Variants in BAALC observed in about 807,000 individuals in gnomAD.
BAALC encodes brain and acute leukemia cytoplasmic protein.
BAALC carries 9 observed loss-of-function variants against 15.5 expected under a neutral mutation model. The observed-to-expected ratio is 0.58, with a 90% CI of 0.35 to 1.02. The LOEUF is 1.02. Ranked by LOEUF, BAALC falls within the 50% of genes least tolerant of loss-of-function variation. The probability of loss-of-function intolerance (pLI) is 0.02; values close to 1 mark genes in which losing one functional copy is unlikely to be tolerated. For synonymous variants in BAALC, 80 were observed against 74.6 expected (o/e 1.07, Z -0.37); for missense variants, 201 against 192.4 (o/e 1.04, Z -0.27).
intron 1 of BAALC, among the ~76,000 whole-genome samples, chr8:103,206,518 G>A (rs1812335846): frequency 6.6e-6 from 1 of 152,102 alleles, no homozygotes; most frequent in Non-Finnish European, 1.5e-5. Context: ...CCCCTCTAAA[G>A]CTAATTCCTC....
chr8:103,163,920 G>C (rs989380350), intron 1 of BAALC, among the ~76,000 whole-genome samples: 3 of 152,202 alleles, frequency 2.0e-5, no homozygotes, highest in African/African-American at 4.8e-5. Context: ...GGCTGGAGCA[G>C]TGGACAAGAC....
chr8:103,181,673 G>A (rs952395414), intron 1 of BAALC, among the ~76,000 whole-genome samples: 1 of 152,128 alleles, frequency 6.6e-6, no homozygotes, highest in Admixed American at 6.6e-5. Flanking sequence ...GGGACCTAGG[G>A]CCACAGCTAC....
chr8:103,204,302 G>A (rs1186145124), intron 1 of BAALC, among the ~76,000 whole-genome samples: 3 of 152,146 alleles, frequency 2.0e-5, no homozygotes, highest in African/African-American at 7.2e-5. Context: ...AGTTGTAGGA[G>A]TTCTTTGAAA....
chr8:103,140,746 G>A lies in BAALC; in HGVS notation c.-152G>A. 1 of 548,964 alleles carries A rather than the reference G, an allele frequency of 1.8e-6. No homozygotes were observed. The highest frequency in any genetic ancestry group is 2.5e-6 in the Non-Finnish European group (1 of 398,124). 34.0% of individuals were successfully genotyped at this position (548,964 alleles called of 1,614,324 possible). A position where few individuals can be genotyped will look rare whatever the true frequency, so the allele number is the denominator to read the frequency against. On this transcript the variant is annotated 5_prime_UTR_variant, in exon 1 of 3. Coordinates refer to ENST00000309982, the MANE Select transcript of BAALC (RefSeq NM_024812.3). This position sits in a 1 kb window ranked among gnomAD's most constrained non-coding sequence, Gnocchi z 4.2. ...GCCCGGACTAGGGGCGGCGGGCACC[G>A]CAGGAGCTCCGCGCGGCTGCAGCGC... is the stretch of plus-strand genomic sequence containing the variant.
intron 1 of BAALC, among the ~76,000 whole-genome samples, chr8:103,147,551 A>G (rs1175963730): frequency 6.6e-6 from 1 of 152,080 alleles, no homozygotes; most frequent in African/African-American, 2.4e-5. Context: ...TTCCTGGCTC[A>G]TTCTGCACTC....
intron 1 of BAALC, among the ~76,000 whole-genome samples, chr8:103,175,205 C>T (rs973704016): frequency 1.3e-5 from 2 of 152,186 alleles, no homozygotes; most frequent in African/African-American, 2.4e-5. Context: ...CTCATCTCTG[C>T]TTCACTTTCT....
At chr8:103,151,658 T>G (rs2129870515) in intron 1 of BAALC, among the ~76,000 whole-genome samples, 1 of 152,238 alleles carries the variant, frequency 6.6e-6, no homozygotes, top group African/African-American at 2.4e-5. Flanking sequence ...AGAACAATGA[T>G]CTCACCACCT....
chr8:103,161,514 C>A (rs1039848314), intron 1 of BAALC, among the ~76,000 whole-genome samples: 2 of 152,120 alleles, frequency 1.3e-5, no homozygotes, highest in Non-Finnish European at 2.9e-5. Context: ...GTGGATGTGT[C>A]CTGGTTTATT....
intron 1 of BAALC, among the ~76,000 whole-genome samples, chr8:103,205,843 C>T (rs1440114440): frequency 6.6e-6 from 1 of 152,200 alleles, no homozygotes; most frequent in Non-Finnish European, 1.5e-5. Context: ...TCAATTTCTT[C>T]TTCTGTAAAA....
At chr8:103,225,564 G>A (rs925543224) in intron 2 of BAALC, among the ~76,000 whole-genome samples, 2 of 152,152 alleles carry the variant, frequency 1.3e-5, no homozygotes, top group Non-Finnish European at 2.9e-5. Flanking sequence ...CAGCAAATGT[G>A]TGAGTTCAGT....
At chr8:103,157,543 C>T (rs1488303202) in intron 1 of BAALC, among the ~76,000 whole-genome samples, 1 of 152,118 alleles carries the variant, frequency 6.6e-6, no homozygotes, top group Non-Finnish European at 1.5e-5. Flanking sequence ...CATGGTGGCT[C>T]ACACCAGTAA....
intron 1 of BAALC, among the ~76,000 whole-genome samples, chr8:103,172,908 C>A (rs943016681): frequency 6.6e-6 from 1 of 152,042 alleles, no homozygotes; most frequent in Admixed American, 6.6e-5. Flanking sequence ...AATTATAAAA[C>A]AAAAAATAAT....
intron 2 of BAALC, chr8:103,213,481 G>A (rs1331349567): frequency 6.3e-6 from 1 of 159,364 alleles, no homozygotes; most frequent in Non-Finnish European, 1.4e-5. Context: ...TTGGAAACAA[G>A]CCTCGCATTT....
chr8:103,206,138 T>C (rs921905793), intron 1 of BAALC, among the ~76,000 whole-genome samples: 1 of 152,214 alleles, frequency 6.6e-6, no homozygotes, highest in African/African-American at 2.4e-5. Flanking sequence ...AAGTTGTCCC[T>C]TGATAGCCTC....
chr8:103,172,234 C>T (rs1251198390), intron 1 of BAALC: 1 of 151,770 alleles, frequency 6.6e-6, no homozygotes, highest in African/African-American at 2.4e-5. Context: ...TAGCTCTTGG[C>T]TAGTATTTTT....
intron 1 of BAALC, among the ~76,000 whole-genome samples, chr8:103,192,564 G>C (rs1811995423): frequency 1.3e-5 from 2 of 152,126 alleles, no homozygotes. Context: ...TGAGTTTTTT[G>C]GCAAAAGCCA....
intron 2 of BAALC, among the ~76,000 whole-genome samples, chr8:103,223,710 A>AT (rs1812734436): frequency 6.6e-6 from 1 of 152,138 alleles, no homozygotes; most frequent in South Asian, 2.1e-4. Flanking sequence ...CAACTACTGG[A>AT]TTTTTTGCTT....
At chr8:103,189,592 A>G (rs569422597) in intron 1 of BAALC, among the ~76,000 whole-genome samples, 1 of 152,364 alleles carries the variant, frequency 6.6e-6, no homozygotes, top group South Asian at 2.1e-4. Flanking sequence ...GGCAGGCATC[A>G]GCAAGCAAGG....
intron 1 of BAALC, among the ~76,000 whole-genome samples, chr8:103,210,897 T>C (rs951329029): frequency 6.6e-6 from 1 of 152,156 alleles, no homozygotes; most frequent in African/African-American, 2.4e-5. Flanking sequence ...AATTTGAAAA[T>C]ATATTGCAGA....
Sources: allele counts gnomAD v4.1 joint callset (sites outside exome capture counted in the v4.1 genomes callset), GRCh38; gene constraint gnomAD v4.1.1; non-coding constraint Gnocchi (gnomAD v3.1); transcripts MANE v1.5; gene names NCBI Gene and HGNC (gene_info 2026-07-23, HGNC 2026-07-21).